The following ANKS1B variants were observed in gnomAD, a reference collection of about 807,000 sequenced individuals.
ANKS1B encodes the protein ankyrin repeat and sterile alpha motif domain-containing protein 1B.
A neutral mutation model predicts 148.3 loss-of-function variants in ANKS1B; 36 were observed. The ratio of observed to expected loss-of-function variants is 0.24; its 90% CI spans 0.19 to 0.32. ANKS1B has a LOEUF of 0.32. ANKS1B is among the 10% of genes least tolerant of loss of function. The pLI is 1.00. For synonymous variants in ANKS1B, 542 were observed against 560.8 expected, an observed-to-expected ratio of 0.97 and a Z score of 0.47; for missense variants, 1,157 against 1,542.6, an observed-to-expected ratio of 0.75 and a Z score of 4.19.
rs2099500502 is a variant in ANKS1B, at chr12:98,848,743, G to GTTTTTTTTTTTTGT, written c.2779-16608_2779-16607insACAAAAAAAAAAAA. ...CTGGATTAATTTCTGTGTATGTGTG[G>GTTTTTTTTTTTTGT]TTTTTTTTTTTTTGAGACGGAGTCT... On this transcript the variant is annotated intron_variant, in intron 17 of 26. Transcript: ENST00000683438. 6.2e-5 allele frequency among the ~76,000 whole-genome samples: 3 copies of GTTTTTTTTTTTTGT among 48,090 alleles called. 1 individual carries two copies. The highest frequency in any genetic ancestry group is 2.7e-4 in the African/African-American group (3 of 11,206). 31.5% of individuals were successfully genotyped at this position (48,090 alleles called of 152,430 possible). A position where few individuals can be genotyped will look rare whatever the true frequency, so the allele number is the denominator to read the frequency against.
intron 4 of ANKS1B, among the ~76,000 whole-genome samples, chr12:99,805,882 C>G (rs904302117): frequency 1.9e-4 from 29 of 152,096 alleles, no homozygotes; most frequent in African/African-American, 7.0e-4. Context: ...TCTAAATTCA[C>G]ATCCCGGTTT....
chr12:99,407,785 C>G (rs2094566655), intron 11 of ANKS1B, among the ~76,000 whole-genome samples: 1 of 145,380 alleles, frequency 6.9e-6, no homozygotes, highest in East Asian at 1.9e-4. Flanking sequence ...TAGGAATAAA[C>G]TTAACCAAAG....
chr12:99,732,387 C>T (rs1355860926), intron 8 of ANKS1B, among the ~76,000 whole-genome samples: 1 of 152,054 alleles, frequency 6.6e-6, no homozygotes, highest in African/African-American at 2.4e-5. Flanking sequence ...TGGAAACAAC[C>T]CAAAAGTCTA....
chr12:99,016,235 G>A (rs1184991313), intron 17 of ANKS1B, among the ~76,000 whole-genome samples: 1 of 152,188 alleles, frequency 6.6e-6, no homozygotes, highest in Non-Finnish European at 1.5e-5. Flanking sequence ...TAGAACCCAT[G>A]ACACCCCTAA....
chr12:99,885,966 A>G (rs1282904093), intron 1 of ANKS1B, among the ~76,000 whole-genome samples: 1 of 152,162 alleles, frequency 6.6e-6, no homozygotes, highest in Non-Finnish European at 1.5e-5. Flanking sequence ...GTAGTATTCC[A>G]TGGTGTATAT....
At chr12:99,037,734 T>A (rs996734385) in intron 17 of ANKS1B, among the ~76,000 whole-genome samples, 17 of 152,156 alleles carry the variant, frequency 1.1e-4, no homozygotes, top group Non-Finnish European at 2.4e-4. Context: ...TAAGGTACTA[T>A]CAGGTCAGTG....
chr12:99,311,788 G>T (rs976138936), intron 12 of ANKS1B, among the ~76,000 whole-genome samples: 2 of 152,112 alleles, frequency 1.3e-5, no homozygotes, highest in African/African-American at 2.4e-5. Flanking sequence ...TAAGAGCTCA[G>T]TGAGAAGGAA....
chr12:99,097,977 G>T (rs2056762618), intron 15 of ANKS1B, among the ~76,000 whole-genome samples: 1 of 152,182 alleles, frequency 6.6e-6, no homozygotes, highest in East Asian at 1.9e-4. Flanking sequence ...TTACATAATG[G>T]TGAGGGAGCA....
Position 98,829,027 on chromosome 12 carries a change from A to T in ANKS1B, c.3066+147T>A. 1.1e-6 allele frequency: 1 copy of T among 904,594 alleles called. No homozygotes were observed. The highest frequency in any genetic ancestry group is 1.7e-6 in the Non-Finnish European group (1 of 578,434). The allele number at this position is 904,594 out of a possible 1,614,324, so 56.0% of individuals were successfully genotyped here. On this transcript the variant is annotated intron_variant, in intron 19 of 26. Transcript: ENST00000683438. The surrounding 1 kb of genome is among the most constrained non-coding windows in gnomAD (Gnocchi z 5.2). ...ACATTTCTGTCTCGGTCTAGTTCAG[A>T]TGAGCAAGGAATGAAAGGCGGGGCA...
chr12:99,432,748 A>G (rs1283265892), intron 11 of ANKS1B, among the ~76,000 whole-genome samples: 1 of 152,220 alleles, frequency 6.6e-6, no homozygotes, highest in Non-Finnish European at 1.5e-5. Context: ...AGCAGTGTTA[A>G]GTCTCTGGGA....
chr12:99,060,168 T>C (rs2041909635), intron 16 of ANKS1B, among the ~76,000 whole-genome samples: 1 of 151,292 alleles, frequency 6.6e-6, no homozygotes, highest in Non-Finnish European at 1.5e-5. Flanking sequence ...AGTGAAGCTT[T>C]AGTCTTGGGA....
chr12:98,901,869 T>G (rs1001983350), intron 17 of ANKS1B, among the ~76,000 whole-genome samples: 1 of 152,136 alleles, frequency 6.6e-6, no homozygotes, highest in Non-Finnish European at 1.5e-5. Flanking sequence ...CTCTTCCTTA[T>G]ACTCAAGGCT....
intron 12 of ANKS1B, among the ~76,000 whole-genome samples, chr12:99,317,211 A>G (rs1324958178): frequency 6.6e-6 from 1 of 152,172 alleles, no homozygotes; most frequent in Non-Finnish European, 1.5e-5. Flanking sequence ...GAAGAAAGTC[A>G]TTGGTAGCTT....
At chr12:99,901,001 C>A (rs1333143911) in intron 1 of ANKS1B, among the ~76,000 whole-genome samples, 1 of 152,074 alleles carries the variant, frequency 6.6e-6, no homozygotes, top group East Asian at 1.9e-4. Flanking sequence ...GTATAATTAT[C>A]CTCTAGAAAA....
chr12:99,967,357 G>A (rs1014779505), intron 1 of ANKS1B, among the ~76,000 whole-genome samples: 2 of 152,014 alleles, frequency 1.3e-5, no homozygotes, highest in African/African-American at 2.4e-5. Flanking sequence ...CCTGCATAGC[G>A]CCAAATGTCC....
chr12:99,100,127 C>T (rs1385943436), intron 15 of ANKS1B, among the ~76,000 whole-genome samples: 1 of 152,148 alleles, frequency 6.6e-6, no homozygotes, highest in African/African-American at 2.4e-5. Flanking sequence ...TTTACCTTTC[C>T]AAGTGGGTAG....
At chr12:99,088,250 G>C (rs540305049) in intron 15 of ANKS1B, among the ~76,000 whole-genome samples, 1 of 150,948 alleles carries the variant, frequency 6.6e-6, no homozygotes, top group African/African-American at 2.5e-5. Flanking sequence ...ACATCATTCA[G>C]CCAGCCTTTT....
At chr12:99,306,024 T>G (rs1229367454) in intron 12 of ANKS1B, among the ~76,000 whole-genome samples, 1 of 152,260 alleles carries the variant, frequency 6.6e-6, no homozygotes, top group East Asian at 1.9e-4. Context: ...TAAAGCATTT[T>G]GACTATGCAC....
intron 1 of ANKS1B, among the ~76,000 whole-genome samples, chr12:99,956,109 C>G (rs536904653): frequency 1.3e-5 from 2 of 151,804 alleles, no homozygotes; most frequent in Non-Finnish European, 2.9e-5. Flanking sequence ...TGAAACCTGT[C>G]TCTACTAAAA....
Sources: gnomAD v4.1 joint callset for allele counts (sites outside exome capture counted in the v4.1 genomes callset) on GRCh38, gnomAD v4.1.1 for gene constraint, Gnocchi (gnomAD v3.1) non-coding constraint, MANE v1.5 for transcripts, NCBI Gene and HGNC (gene_info 2026-07-23, HGNC 2026-07-21) for gene names.